The following DST variants were observed in gnomAD, a reference collection of about 807,000 sequenced individuals.
DST encodes dystonin.
DST carries 253 observed loss-of-function variants against 875.2 expected under a neutral mutation model. The observed-to-expected ratio is 0.29, with a 90% CI of 0.26 to 0.32. DST has a LOEUF of 0.32. Among genes scored for constraint, DST ranks in the 10% least tolerant of loss-of-function variants. DST has a pLI of 1.00. For synonymous variants in DST, 3,124 were observed against 3,197.1 expected, an observed-to-expected ratio of 0.98 and a Z score of 0.77; for missense variants, 8,287 against 9,111.6, an observed-to-expected ratio of 0.91 and a Z score of 3.68.
Position 56,583,563 on chromosome 6 carries a change from G to C in DST, c.12904-4626C>G, listed in dbSNP as rs1332017020. ...TTGTAGGTTGCCTGTTCACTCTGAT[G>C]GTAGTTTCTTTTGCTGTGCAGAAGC... On this transcript the variant is annotated intron_variant, in intron 49 of 103. Transcript: ENST00000680361. Among the ~76,000 whole-genome samples, 10 of 152,154 alleles carry C rather than the reference G, an allele frequency of 6.6e-5. No individual in the cohort carries two copies. The East Asian group carries it at 1.9e-3, about 29-fold the overall frequency.
intron 4 of DST, among the ~76,000 whole-genome samples, chr6:56,774,122 A>T (rs2152981340): frequency 6.6e-6 from 1 of 151,906 alleles, no homozygotes; most frequent in South Asian, 2.1e-4. Flanking sequence ...TCAAAAAAAA[A>T]AAAAAAAAAA....
At chr6:56,951,509 A>C (rs1408940737) in intron 2 of DST, among the ~76,000 whole-genome samples, 1 of 152,254 alleles carries the variant, frequency 6.6e-6, no homozygotes, top group Non-Finnish European at 1.5e-5. Context: ...GTATTTCTCA[A>C]AGAGAAAATC....
chr6:56,610,595 C>T (rs1284105428), intron 38 of DST, 33 bp from the exon 39 acceptor site: 1 of 1,543,900 alleles, frequency 6.5e-7, no homozygotes, highest in Non-Finnish European at 8.7e-7. Flanking sequence ...AAGACTAATG[C>T]AAGTCGTCCT....
At chr6:56,609,879 A>G (rs1295276832) in intron 39 of DST, among the ~76,000 whole-genome samples, 1 of 152,180 alleles carries the variant, frequency 6.6e-6, no homozygotes, top group Non-Finnish European at 1.5e-5. Context: ...AAATATAAAG[A>G]TAACTTTTTG....
intron 5 of DST, among the ~76,000 whole-genome samples, chr6:56,720,068 T>C (rs2099408975): frequency 6.6e-6 from 1 of 152,164 alleles, no homozygotes; most frequent in African/African-American, 2.4e-5. Context: ...GAATTTCCTC[T>C]TCCTAATAAG....
rs765132594 is a variant in DST at position 56,609,067 on chromosome 6, G to A, written c.5561C>T (p.Pro1854Leu). 3.7e-6 allele frequency: 6 copies of A among 1,613,728 alleles called. No homozygotes were observed. The highest frequency in any genetic ancestry group is 5.1e-6 in the Non-Finnish European group (6 of 1,179,810). ...GCTTTGAGCTAGAGCATCCAGTACT[G>A]GAATTGTGGTAGGTGACGCAGCAGA... The part of the protein sequence containing the change: ...IISAASPTTI[P>L]VLDALAQSMI... The change falls in exon 40 of 104, where the codon CCA becomes CTA. Residue 1854 changes from proline to leucine, a missense_variant. Transcript: ENST00000680361.
intron 4 of DST, among the ~76,000 whole-genome samples, chr6:56,774,113 C>CAAAAAAA (rs59394529): frequency 6.6e-5 from 5 of 76,162 alleles, no homozygotes; most frequent in African/African-American, 1.3e-4. Flanking sequence ...GATTCTGTCT[C>CAAAAAAA]AAAAAAAAAA....
intron 61 of DST, among the ~76,000 whole-genome samples, chr6:56,544,496 T>G (rs1306304927): frequency 6.6e-6 from 1 of 152,138 alleles, no homozygotes; most frequent in Middle Eastern, 3.2e-3. Flanking sequence ...GCACAAATAA[T>G]TCATTCATAA....
intron 10 of DST, among the ~76,000 whole-genome samples, chr6:56,660,759 ATTCTT>A (rs1020675590): frequency 6.6e-6 from 1 of 151,204 alleles, no homozygotes; most frequent in African/African-American, 2.4e-5. Context: ...TTTTTCAAAC[ATTCTT>A]TTTTTTTTTT....
At position 56,489,415 on chromosome 6, in the gene DST, G is replaced by A. The variant is rs1022358775; in HGVS notation, c.20877+75C>T. The A allele has an allele frequency of 2.1e-5, 30 of 1,424,828 alleles. No homozygotes were observed. The East Asian group carries it at 4.1e-4, about 19-fold the overall frequency. 88.3% of individuals were successfully genotyped at this position (1,424,828 alleles called of 1,614,324 possible). A position where few individuals can be genotyped will look rare whatever the true frequency, so the allele number is the denominator to read the frequency against. On this transcript the variant is annotated intron_variant, in intron 86 of 103. Coordinates refer to ENST00000680361, the MANE Select transcript of DST (RefSeq NM_001374736.1). The stretch of plus-strand genomic sequence containing the variant: ...TTTTTCTTTAGTGATGAATAAACAC[G>A]TGATGAAGTAAGGATTTTAAAGTGA...
intron 56 of DST, 86 bp downstream of exon 56, chr6:56,562,052 A>G: frequency 1.3e-6 from 1 of 763,264 alleles, no homozygotes; most frequent in Admixed American, 2.8e-5. Context: ...AAATTTCAAT[A>G]TAACTACTGT....
At position 56,651,048 on chromosome 6, in the gene DST, T is replaced by G. The variant is rs1017293132; in HGVS notation, c.1328-16A>C. The G allele has an allele frequency of 1.3e-6, 2 of 1,593,150 alleles. No individual in the cohort carries two copies. The highest frequency in any genetic ancestry group is 1.3e-5 in the African/African-American group (1 of 74,116). The stretch of plus-strand genomic sequence containing the variant: ...ACATCGACATCTAAAAACAGCAACA[T>G]AAATTAATTATTTCACAATGTTGAT... On this transcript the variant is annotated splice_polypyrimidine_tract_variant and intron_variant, in intron 11 of 103. Coordinates refer to ENST00000680361, the MANE Select transcript of DST (RefSeq NM_001374736.1).
At chr6:56,521,555 T>G (rs1583883302) in intron 69 of DST, among the ~76,000 whole-genome samples, 1 of 85,216 alleles carries the variant, frequency 1.2e-5, no homozygotes, top group South Asian at 3.9e-4. Flanking sequence ...AAAGCTGAAA[T>G]CCAAACAATG....
intron 4 of DST, among the ~76,000 whole-genome samples, chr6:56,768,609 G>C (rs1346168048): frequency 6.6e-6 from 1 of 152,116 alleles, no homozygotes; most frequent in Admixed American, 6.5e-5. Flanking sequence ...TAACATAAAA[G>C]AAAATCTAGA....
At chr6:56,617,221 G>A (rs1353238464) in intron 36 of DST, 9 of 1,600,910 alleles carry the variant, frequency 5.6e-6, no homozygotes, top group Non-Finnish European at 7.7e-6. Flanking sequence ...CATCATCCCT[G>A]ACTGAACATG....
chr6:56,533,627 C>T (rs1034141204), intron 63 of DST, among the ~76,000 whole-genome samples: 19 of 152,240 alleles, frequency 1.2e-4, no homozygotes, highest in African/African-American at 4.6e-4. Flanking sequence ...AATAATAAAG[C>T]TTCTAGCAAT....
At chr6:56,674,049 C>T (rs7749834) in intron 9 of DST, among the ~76,000 whole-genome samples, 1,809 of 152,296 alleles carry the variant, frequency 0.012, 41 homozygotes, top group African/African-American at 0.042. Flanking sequence ...AGTTGTCATT[C>T]ATAATCCCTG....
chr6:56,903,605 G>A (rs1405427752), intron 2 of DST, among the ~76,000 whole-genome samples: 1 of 152,088 alleles, frequency 6.6e-6, no homozygotes, highest in Non-Finnish European at 1.5e-5. Flanking sequence ...GATTACAGGT[G>A]TGCACCACCA....
chr6:56,615,681 G>C lies in DST; in HGVS notation c.4930-1197C>G, dbSNP rs904880554. The stretch of plus-strand genomic sequence containing the variant: ...ATTATATTTCTGACATATGACTTTT[G>C]ATCTTTGAGTTTTGTGGCAATGAGG... On this transcript the variant is annotated intron_variant, in intron 36 of 103. Transcript: ENST00000680361. 1 of 1,613,906 alleles carries C rather than the reference G, an allele frequency of 6.2e-7. No individual in the cohort carries two copies. Among genetic ancestry groups the C allele is most frequent in the Admixed American group, 1.7e-5 (1 of 59,972 alleles).
Sources: gnomAD v4.1 joint callset for allele counts (sites outside exome capture counted in the v4.1 genomes callset) on GRCh38, gnomAD v4.1.1 for gene constraint, MANE v1.5 for transcripts, NCBI Gene and HGNC (gene_info 2026-07-23, HGNC 2026-07-21) for gene names.